GMDS: variants seen among roughly 807,000 people sequenced by gnomAD.
GMDS encodes the protein GDP-mannose 4,6-dehydratase.
In GMDS, 20 loss-of-function variants were observed where a neutral mutation model predicts 49.9. The ratio of observed to expected loss-of-function variants is 0.40; its 90% CI spans 0.28 to 0.58. The LOEUF (loss-of-function observed/expected upper bound fraction) is 0.58, where lower values mean the gene tolerates loss of function less well. GMDS is among the 20% of genes least tolerant of loss of function. The pLI is 0.42. For synonymous variants in GMDS, 177 were observed against 178.6 expected, an observed-to-expected ratio of 0.99 and a Z score of 0.07; for missense variants, 362 against 481.4, an observed-to-expected ratio of 0.75 and a Z score of 2.32.
chr6:1,963,316 T>C (rs1039214996), intron 4 of GMDS, among the ~76,000 whole-genome samples: 4 of 152,206 alleles, frequency 2.6e-5, no homozygotes, highest in Admixed American at 6.5e-5. Flanking sequence ...TCTTGCTGAA[T>C]AGCTGGGAAT....
At chr6:1,738,570 A>T (rs1332919829) in intron 8 of GMDS, among the ~76,000 whole-genome samples, 2 of 152,262 alleles carry the variant, frequency 1.3e-5, no homozygotes, top group East Asian at 3.8e-4. Context: ...TTAGAATAGC[A>T]AAAGTGAGAA....
intron 4 of GMDS, among the ~76,000 whole-genome samples, chr6:2,027,204 G>A (rs1056241841): frequency 6.6e-6 from 1 of 152,162 alleles, no homozygotes; most frequent in Admixed American, 6.5e-5. Context: ...AGAAAAACGT[G>A]GAACAGGTGG....
In GMDS at chr6:1,784,351, C is replaced by A. The variant is rs532176942; in HGVS notation, c.772-41765G>T. Among the ~76,000 whole-genome samples the A allele has an allele frequency of 1.9e-4, 27 of 142,462 alleles. No individual in the cohort carries two copies. The East Asian group carries it at 5.3e-3, about 28-fold the overall frequency. 93.5% of individuals were successfully genotyped at this position (142,462 alleles called of 152,430 possible). ...AGGTGGCAGTGAGCCAAGATCACGC[C>A]ACTGCACTCCAGCCTGGGTGACAGA... On this transcript the variant is annotated intron_variant, in intron 7 of 10. Transcript: ENST00000380815.
At chr6:1,971,655 G>C (rs905309028) in intron 4 of GMDS, among the ~76,000 whole-genome samples, 38 of 152,302 alleles carry the variant, frequency 2.5e-4, no homozygotes, top group Admixed American at 5.9e-4. Flanking sequence ...ACTCTGATGA[G>C]AGGCAAGGCT....
At chr6:1,878,761 T>G (rs910884723) in intron 7 of GMDS, among the ~76,000 whole-genome samples, 1 of 152,184 alleles carries the variant, frequency 6.6e-6, no homozygotes, top group African/African-American at 2.4e-5. Context: ...AGTAAGTGAT[T>G]GGATATACAG....
intron 6 of GMDS, among the ~76,000 whole-genome samples, chr6:1,958,897 CT>C (rs1315395854): frequency 6.6e-6 from 1 of 152,160 alleles, no homozygotes; most frequent in Non-Finnish European, 1.5e-5. Flanking sequence ...GTAAAGCTTT[CT>C]CATGCTTCAG....
chr6:2,069,008 T>C (rs1156709951), intron 4 of GMDS, among the ~76,000 whole-genome samples: 18 of 152,218 alleles, frequency 1.2e-4, no homozygotes, highest in Non-Finnish European at 2.6e-4. Flanking sequence ...ACTACCTGAC[T>C]TCAAACTATA....
At chr6:1,905,980 G>A (rs1280309728) in intron 7 of GMDS, among the ~76,000 whole-genome samples, 1 of 151,736 alleles carries the variant, frequency 6.6e-6, no homozygotes, top group Non-Finnish European at 1.5e-5. Context: ...TGCTCAAATG[G>A]AAATGGAAAG....
intron 7 of GMDS, among the ~76,000 whole-genome samples, chr6:1,901,027 T>C (rs1760477926): frequency 1.3e-5 from 2 of 152,232 alleles, no homozygotes; most frequent in Non-Finnish European, 2.9e-5. Context: ...AAGAAAGGCA[T>C]GTCTTCAGCA....
At chr6:2,074,342 G>C (rs982214759) in intron 4 of GMDS, among the ~76,000 whole-genome samples, 2 of 152,260 alleles carry the variant, frequency 1.3e-5, no homozygotes, top group Middle Eastern at 3.4e-3. Flanking sequence ...TATGGGCTTT[G>C]CCTACTTTTC....
chr6:1,961,189 T>C (rs1763922430), intron 4 of GMDS, among the ~76,000 whole-genome samples: 1 of 152,244 alleles, frequency 6.6e-6, no homozygotes, highest in Non-Finnish European at 1.5e-5. Flanking sequence ...AAGAACACTT[T>C]AACCGCCCTT....
intron 7 of GMDS, among the ~76,000 whole-genome samples, chr6:1,908,070 T>C (rs1172690568): frequency 1.3e-5 from 2 of 152,160 alleles, no homozygotes; most frequent in Non-Finnish European, 1.5e-5. Flanking sequence ...AAGTAAGGAT[T>C]CAGTGAACAC....
chr6:1,799,089 G>T (rs946037438), intron 7 of GMDS, among the ~76,000 whole-genome samples: 1 of 152,066 alleles, frequency 6.6e-6, no homozygotes, highest in Non-Finnish European at 1.5e-5. Flanking sequence ...CTAGGATATC[G>T]TGTAGGTCAA....
At chr6:2,102,811 TAATG>T (rs1254306736) in intron 4 of GMDS, among the ~76,000 whole-genome samples, 1 of 151,860 alleles carries the variant, frequency 6.6e-6, no homozygotes, top group East Asian at 1.9e-4. Context: ...AAATATATGA[TAATG>T]AAAGTTCAAC....
intron 4 of GMDS, among the ~76,000 whole-genome samples, chr6:2,077,847 A>G (rs918472424): frequency 6.6e-6 from 1 of 152,038 alleles, no homozygotes; most frequent in Non-Finnish European, 1.5e-5. Flanking sequence ...AATAGTTTCA[A>G]GAGGATTAGT....
intron 4 of GMDS, among the ~76,000 whole-genome samples, chr6:2,050,583 A>T (rs1317214008): frequency 6.6e-6 from 1 of 152,186 alleles, no homozygotes; most frequent in African/African-American, 2.4e-5. Context: ...GAAAAAAGAG[A>T]ATTTTAGACC....
In GMDS at chr6:1,999,894, G is replaced by GATATA. The variant is rs1554143928; in HGVS notation, c.346-38933_346-38929dup. ...AATACCAGTTTTATTGAGACATAACGATATATATAATATATATATTATATA... is the reference window on the plus strand; with the variant it reads ...AATACCAGTTTTATTGAGACATAACGATATAATATATATAATATATATATTATATA... On this transcript the variant is annotated intron_variant, in intron 4 of 10. Coordinates refer to ENST00000380815, the MANE Select transcript of GMDS (RefSeq NM_001500.4). 5.1e-5 allele frequency among the ~76,000 whole-genome samples: 5 copies of GATATA among 97,344 alleles called. No homozygotes were observed. The East Asian group carries it at 1.4e-3, about 27-fold the overall frequency. 63.9% of individuals were successfully genotyped at this position (97,344 alleles called of 152,430 possible). A position where few individuals can be genotyped will look rare whatever the true frequency, so the allele number is the denominator to read the frequency against.
intron 1 of GMDS, among the ~76,000 whole-genome samples, chr6:2,161,755 T>C (rs1426621856): frequency 6.6e-5 from 10 of 152,158 alleles, no homozygotes; most frequent in Non-Finnish European, 1.5e-5. Context: ...AGGACCCCTT[T>C]AAGGGACATT....
intron 7 of GMDS, among the ~76,000 whole-genome samples, chr6:1,796,621 A>G (rs1363059456): frequency 6.6e-6 from 1 of 152,222 alleles, no homozygotes; most frequent in Non-Finnish European, 1.5e-5. Flanking sequence ...CAATCTTCTA[A>G]TATTGAACTT....
Sources: allele counts gnomAD v4.1 joint callset (sites outside exome capture counted in the v4.1 genomes callset), GRCh38; gene constraint gnomAD v4.1.1; transcripts MANE v1.5; gene names NCBI Gene and HGNC (gene_info 2026-07-23, HGNC 2026-07-21).